Variants in CDH11 observed in about 807,000 individuals in gnomAD.
CDH11 encodes the protein cadherin-11.
CDH11 carries 11 observed loss-of-function variants against 67.8 expected under a neutral mutation model. That is an observed-to-expected ratio of 0.16 (90% CI 0.10 to 0.27). The LOEUF is 0.27. Ranked by LOEUF, CDH11 falls within the 10% of genes least tolerant of loss-of-function variation. The pLI, the probability that CDH11 is intolerant of heterozygous loss-of-function variation, is 1.00. For missense variants in CDH11, 847 were observed against 1,031.2 expected (o/e 0.82, Z 2.45); for synonymous variants, 419 against 400.0 (o/e 1.05, Z -0.57).
intron 1 of CDH11, among the ~76,000 whole-genome samples, chr16:65,063,244 CAT>C (rs780654790): frequency 2.6e-5 from 4 of 152,182 alleles, no homozygotes; most frequent in Non-Finnish European, 4.4e-5. Context: ...ACACAAAACA[CAT>C]ATTCTCAAGG....
intron 1 of CDH11, among the ~76,000 whole-genome samples, chr16:65,075,568 G>T (rs1489640286): frequency 6.6e-6 from 1 of 152,186 alleles, no homozygotes; most frequent in African/African-American, 2.4e-5. Flanking sequence ...CAGGATTTAT[G>T]ATGATCCTTT....
At chr16:65,049,833 C>T (rs576966790) in intron 2 of CDH11, among the ~76,000 whole-genome samples, 29 of 152,194 alleles carry the variant, frequency 1.9e-4, no homozygotes, top group South Asian at 1.2e-3. Flanking sequence ...GACACTTGGC[C>T]TCCTTCTCCA....
At position 65,121,889 on chromosome 16, in the gene CDH11, T is replaced by C. The variant is rs1010920207; in HGVS notation, c.-307A>G. The stretch of plus-strand genomic sequence containing the variant: ...TGGCGGCGCACCTCACCTGGGGCCC[T>C]TGAGGGTGGACGCAACCTCCGAGCC... On this transcript the variant is annotated 5_prime_UTR_variant, in exon 1 of 13. Coordinates refer to ENST00000268603, the MANE Select transcript of CDH11 (RefSeq NM_001797.4). The surrounding 1 kb of genome is among the most constrained non-coding windows in gnomAD (Gnocchi z 4.1). 7.1e-6 allele frequency: 5 copies of C among 701,240 alleles called. No homozygotes were observed. Among genetic ancestry groups the C allele is most frequent in the Admixed American group, 4.0e-5 (2 of 49,958 alleles). 43.4% of individuals were successfully genotyped at this position (701,240 alleles called of 1,614,324 possible). A position where few individuals can be genotyped will look rare whatever the true frequency, so the allele number is the denominator to read the frequency against.
At chr16:64,995,901 T>G (rs1388434389) in intron 4 of CDH11, among the ~76,000 whole-genome samples, 1 of 151,554 alleles carries the variant, frequency 6.6e-6, no homozygotes, top group Non-Finnish European at 1.5e-5. Context: ...ATTCAACAAG[T>G]AAAAAAACAA....
chr16:64,977,679 G>A (rs1285550610), intron 8 of CDH11, among the ~76,000 whole-genome samples: 5 of 152,118 alleles, frequency 3.3e-5, no homozygotes, highest in Admixed American at 2.6e-4. Context: ...AGCTCAAAAT[G>A]AACTCAAGAC....
In CDH11 at chr16:64,944,181, A is replaced by T. The variant is rs1431388927; in HGVS notation, c.*3422T>A. The T allele has an allele frequency of 8.6e-6, 2 of 232,718 alleles. No homozygotes were observed. Among genetic ancestry groups the T allele is most frequent in the Non-Finnish European group, 1.7e-5 (2 of 117,820 alleles). 14.4% of individuals were successfully genotyped at this position (232,718 alleles called of 1,614,324 possible). On this transcript the variant is annotated 3_prime_UTR_variant, in exon 13 of 13. Coordinates refer to ENST00000268603, the MANE Select transcript of CDH11 (RefSeq NM_001797.4). Reference sequence around the variant, plus strand: ...GCCAGTGAAGAGGTTTAAGTTACGAAGTCATGTGATCTGGGTTGTGTGTTA... The same window carrying T: ...GCCAGTGAAGAGGTTTAAGTTACGATGTCATGTGATCTGGGTTGTGTGTTA...
chr16:65,067,874 G>A (rs1385857659), intron 1 of CDH11, among the ~76,000 whole-genome samples: 1 of 141,582 alleles, frequency 7.1e-6, no homozygotes, highest in Non-Finnish European at 1.5e-5. Flanking sequence ...GAGAAAGGAA[G>A]GGAGGAAGGG....
intron 2 of CDH11, among the ~76,000 whole-genome samples, chr16:65,039,164 C>T (rs1486723953): frequency 1.3e-5 from 2 of 152,174 alleles, no homozygotes; most frequent in African/African-American, 2.4e-5. Context: ...CCTTCCTTGC[C>T]ATATGAAGCA....
chr16:65,072,898 T>A (rs1044815566), intron 1 of CDH11, among the ~76,000 whole-genome samples: 108 of 152,288 alleles, frequency 7.1e-4, no homozygotes, highest in African/African-American at 2.5e-3. Context: ...GTGCCTCCCA[T>A]GTGGGGTTTC....
At chr16:65,039,638 A>C (rs1469910401) in intron 2 of CDH11, among the ~76,000 whole-genome samples, 1 of 152,212 alleles carries the variant, frequency 6.6e-6, no homozygotes, top group Non-Finnish European at 1.5e-5. Flanking sequence ...ACCATTCAGG[A>C]CATAGGCATG....
At chr16:64,988,089 T>A in intron 7 of CDH11, 68 bp downstream of exon 7, 1 of 1,291,846 alleles carries the variant, frequency 7.7e-7, no homozygotes. Flanking sequence ...GCCTCCCTGT[T>A]TCTTGCAGTG....
In CDH11 at chr16:64,944,970, A is replaced by G. The variant is rs1362172904; in HGVS notation, c.*2633T>C. ...ATTATCAAAAGATGTCAGAAAAGGT[A>G]GTAAGATTCATTCTGAATCCTCCAG... On this transcript the variant is annotated 3_prime_UTR_variant, in exon 13 of 13. Coordinates refer to ENST00000268603, the MANE Select transcript of CDH11 (RefSeq NM_001797.4). The G allele has an allele frequency of 9.4e-6, 2 of 213,140 alleles. No individual in the cohort carries two copies. The highest frequency in any genetic ancestry group is 1.4e-4 in the East Asian group (2 of 14,174). 13.2% of individuals were successfully genotyped at this position (213,140 alleles called of 1,614,324 possible). A position where few individuals can be genotyped will look rare whatever the true frequency, so the allele number is the denominator to read the frequency against.
At chr16:65,046,301 G>A (rs574618810) in intron 2 of CDH11, among the ~76,000 whole-genome samples, 3 of 152,278 alleles carry the variant, frequency 2.0e-5, no homozygotes, top group South Asian at 2.1e-4. Context: ...CACAGGGCCC[G>A]GAAGGCAAGT....
intron 7 of CDH11, among the ~76,000 whole-genome samples, chr16:64,984,032 T>C (rs1415358760): frequency 6.6e-6 from 1 of 152,162 alleles, no homozygotes; most frequent in Non-Finnish European, 1.5e-5. Flanking sequence ...CATGCTGCAG[T>C]TTCACATCCC....
At chr16:65,063,595 T>G (rs938490644) in intron 1 of CDH11, among the ~76,000 whole-genome samples, 1 of 152,196 alleles carries the variant, frequency 6.6e-6, no homozygotes, top group African/African-American at 2.4e-5. Context: ...AAGGAGGTTG[T>G]CTTTCTAAAC....
intron 1 of CDH11, among the ~76,000 whole-genome samples, chr16:65,110,886 C>T (rs1215514419): frequency 1.3e-5 from 2 of 152,076 alleles, no homozygotes; most frequent in Non-Finnish European, 2.9e-5. Flanking sequence ...AACAAGCAAA[C>T]AAAATGCCAA....
intron 2 of CDH11, among the ~76,000 whole-genome samples, chr16:65,031,124 G>C (rs1047543883): frequency 3.3e-5 from 5 of 152,172 alleles, no homozygotes; most frequent in African/African-American, 1.2e-4. Flanking sequence ...TTTATATTAG[G>C]AGCATGTACC....
chr16:65,070,261 G>A (rs1268604438), intron 1 of CDH11, among the ~76,000 whole-genome samples: 3 of 152,134 alleles, frequency 2.0e-5, no homozygotes, highest in East Asian at 3.9e-4. Context: ...CAAAAGCCAC[G>A]GAACATGGAG....
chr16:65,071,938 A>G (rs575080019), intron 1 of CDH11: 1 of 152,342 alleles, frequency 6.6e-6, no homozygotes, highest in Non-Finnish European at 1.5e-5. Context: ...GCTGGGATCT[A>G]TGCGCCACCG....
Sources: gnomAD v4.1 joint callset for allele counts (sites outside exome capture counted in the v4.1 genomes callset) on GRCh38, gnomAD v4.1.1 for gene constraint, Gnocchi (gnomAD v3.1) non-coding constraint, MANE v1.5 for transcripts, NCBI Gene and HGNC (gene_info 2026-07-23, HGNC 2026-07-21) for gene names.